Variants in PROSER1 observed in about 807,000 individuals in gnomAD.
The protein encoded by PROSER1 is proline and serine rich 1.
Under a neutral mutation model 71.8 loss-of-function variants are expected in PROSER1, and 36 were observed. The observed-to-expected ratio is 0.50, with a 90% CI of 0.38 to 0.66. The LOEUF is 0.66. Among genes scored for constraint, PROSER1 ranks in the 30% least tolerant of loss-of-function variants. PROSER1 has a pLI of 0.00. For synonymous variants in PROSER1, 490 were observed against 452.4 expected, an observed-to-expected ratio of 1.08 and a Z score of -1.06; for missense variants, 1,107 against 1,135.0, an observed-to-expected ratio of 0.98 and a Z score of 0.35.
intron 12 of PROSER1, among the ~76,000 whole-genome samples, chr13:39,011,858 A>G (rs1431300423): frequency 6.6e-6 from 1 of 152,256 alleles, no homozygotes; most frequent in East Asian, 1.9e-4. Context: ...AAGGAAAAAC[A>G]ATTCATACAG....
intron 2 of PROSER1, 102 bp downstream of exon 2, chr13:39,034,029 A>T: frequency 1.3e-6 from 1 of 768,108 alleles, no homozygotes; most frequent in Non-Finnish European, 2.0e-6. Context: ...GAATAAATAC[A>T]GCAAAAAGGT....
rs750542669 is a variant in PROSER1 at position 39,029,311 on chromosome 13, T to C, written c.245A>G (p.Asp82Gly). Residue 82 changes from aspartate to glycine, a missense_variant, in exon 4 of 13, where the codon GAC (aspartate) becomes GGC (glycine). By Grantham distance (94) the Asp-to-Gly change is moderately conservative (BLOSUM62 -1). Transcript: ENST00000352251. ...TAACAGTTCAAGAGCAACTAGTTTG[T>C]CTTTACTGAAAGTGAAACAGTTGAG... ...NILNCFTFSK[D>G]KLVALELLAS... 4 of 1,547,254 alleles carry C rather than the reference T, an allele frequency of 2.6e-6. No homozygotes were observed. Among genetic ancestry groups the C allele is most frequent in the Non-Finnish European group, 3.5e-6 (4 of 1,153,724 alleles).
chr13:39,011,301 T>C lies in PROSER1; in HGVS notation c.*64A>G, dbSNP rs1381190671. 6.5e-7 allele frequency: 1 copy of C among 1,532,080 alleles called. No homozygotes were observed. The highest frequency in any genetic ancestry group is 8.9e-7 in the Non-Finnish European group (1 of 1,117,470). The allele number at this position is 1,532,080 out of a possible 1,614,324, so 94.9% of individuals were successfully genotyped here. On this transcript the variant is annotated 3_prime_UTR_variant, in exon 13 of 13. Coordinates refer to ENST00000352251, the MANE Select transcript of PROSER1 (RefSeq NM_025138.5). Reference sequence around the variant, plus strand: ...TTTGGCCAGCTTCACATTTGTCAGATTGTTCATTGCAGTTCTCAGGCAATT... The same window carrying C: ...TTTGGCCAGCTTCACATTTGTCAGACTGTTCATTGCAGTTCTCAGGCAATT...
intron 9 of PROSER1, among the ~76,000 whole-genome samples, chr13:39,018,839 T>G (rs185665706): frequency 1.1e-3 from 167 of 152,232 alleles, no homozygotes; most frequent in African/African-American, 3.7e-3. Flanking sequence ...ACTTGAGTTT[T>G]CACATCAAAA....
At chr13:39,026,072 CTCTCT>C (rs756029166) in intron 6 of PROSER1, among the ~76,000 whole-genome samples, 200 bp downstream of exon 6, 10 of 151,896 alleles carry the variant, frequency 6.6e-5, no homozygotes, top group Admixed American at 1.3e-4. Flanking sequence ...TAAAATCATC[CTCTCT>C]TCTATTTGTC....
intron 5 of PROSER1, among the ~76,000 whole-genome samples, chr13:39,027,385 G>A (rs1303024114): frequency 6.6e-6 from 1 of 152,122 alleles, no homozygotes; most frequent in Non-Finnish European, 1.5e-5. Flanking sequence ...TTCTAGAAAA[G>A]TTGTACTAAT....
intron 9 of PROSER1, among the ~76,000 whole-genome samples, chr13:39,021,990 T>A (rs1372505692): frequency 6.6e-6 from 1 of 152,200 alleles, no homozygotes; most frequent in Non-Finnish European, 1.5e-5. Context: ...TCTTTCCTCA[T>A]CTGTATTTTT....
chr13:39,035,465 G>A (rs1248738776), intron 1 of PROSER1, among the ~76,000 whole-genome samples: 4 of 152,174 alleles, frequency 2.6e-5, no homozygotes, highest in Non-Finnish European at 5.9e-5. Flanking sequence ...CCAGCTATAA[G>A]CAAGAAGTAC....
At chr13:39,023,218 T>G (rs1870384414) in intron 7 of PROSER1, 88 bp from the exon 8 acceptor site, 1 of 982,882 alleles carries the variant, frequency 1.0e-6, no homozygotes, top group South Asian at 1.3e-5. Flanking sequence ...TTAGTCCTAA[T>G]ATGCTAAAAA....
At chr13:39,019,994 G>A (rs1870211136) in intron 9 of PROSER1, among the ~76,000 whole-genome samples, 1 of 150,574 alleles carries the variant, frequency 6.6e-6, no homozygotes, top group African/African-American at 2.4e-5. Flanking sequence ...ACTGAATAAG[G>A]CCTAGGAAAT....
chr13:39,029,283 G>A lies in PROSER1; in HGVS notation c.273C>T (p.Ala91=), dbSNP rs758476328. Residue 91 remains alanine, a splice_region_variant and synonymous_variant, in exon 4 of 13, where the codon GCC becomes GCT. Coordinates refer to ENST00000352251, the MANE Select transcript of PROSER1 (RefSeq NM_025138.5). ...KDKLVALELL[A]SNIIDAQNSR... ...AAAAAAAAAAAAGAAATACTTACGAGGCTAACAGTTCAAGAGCAACTAGTT... is the reference window on the plus strand; with the variant it reads ...AAAAAAAAAAAAGAAATACTTACGAAGCTAACAGTTCAAGAGCAACTAGTT... The A allele has an allele frequency of 2.1e-6, 3 of 1,446,496 alleles. No homozygotes were observed. The highest frequency in any genetic ancestry group is 2.5e-5 in the East Asian group (1 of 39,688). 89.6% of individuals were successfully genotyped at this position (1,446,496 alleles called of 1,614,324 possible).
intron 12 of PROSER1, 126 bp downstream of exon 12, chr13:39,011,957 C>G (rs1268548431): frequency 1.0e-6 from 1 of 982,444 alleles, no homozygotes; most frequent in South Asian, 1.7e-5. Context: ...CATCAAATCT[C>G]TATGCATTCT....
chr13:39,031,879 C>G (rs1173878510), intron 2 of PROSER1, among the ~76,000 whole-genome samples: 1 of 152,102 alleles, frequency 6.6e-6, no homozygotes, highest in Non-Finnish European at 1.5e-5. Context: ...TGCTCCAGAG[C>G]TATGTGAGGC....
chr13:39,019,865 T>C (rs1283642092), intron 9 of PROSER1, among the ~76,000 whole-genome samples: 1 of 151,756 alleles, frequency 6.6e-6, no homozygotes, highest in East Asian at 1.9e-4. Flanking sequence ...AATTCAGCTA[T>C]ACACAATTTA....
At chr13:39,035,704 T>G (rs1405637309) in intron 1 of PROSER1, among the ~76,000 whole-genome samples, 1 of 152,194 alleles carries the variant, frequency 6.6e-6, no homozygotes, top group East Asian at 1.9e-4. Flanking sequence ...TGACAATCAG[T>G]ATTATCTATC....
At chr13:39,031,292 T>C (rs75114883) in intron 3 of PROSER1, among the ~76,000 whole-genome samples, 13,977 of 152,206 alleles carry the variant, frequency 0.092, 771 homozygotes, top group African/African-American at 0.14. Flanking sequence ...AAAACAGAAG[T>C]GCAAAAAACC....
chr13:39,029,951 T>C (rs1193682614), intron 3 of PROSER1, among the ~76,000 whole-genome samples: 2 of 152,222 alleles, frequency 1.3e-5, no homozygotes, highest in Non-Finnish European at 2.9e-5. Context: ...TACATAATTA[T>C]TTGACTAGAG....
At chr13:39,025,125 C>T (rs1870484474) in intron 6 of PROSER1, among the ~76,000 whole-genome samples, 1 of 151,852 alleles carries the variant, frequency 6.6e-6, no homozygotes, top group South Asian at 2.1e-4. Context: ...ATGTATAATA[C>T]TCAAAGAATA....
At position 39,012,996 on chromosome 13, in the gene PROSER1, A is replaced by T. The variant is rs1869756849; in HGVS notation, c.2256T>A (p.Ser752=). The T allele has an allele frequency of 6.2e-7, 1 of 1,614,072 alleles. No homozygotes were observed. Among genetic ancestry groups the T allele is most frequent in the Admixed American group, 1.7e-5 (1 of 60,012 alleles). ...GTGCTGCTGAGACTGGTGCTGAAGCAGAAAGCCCTGAGAGAACAGCTGCCG... is the reference window on the plus strand; with the variant it reads ...GTGCTGCTGAGACTGGTGCTGAAGCTGAAAGCCCTGAGAGAACAGCTGCCG... ...SSTAAVLSGL[S]ASAPVSAAPF... is the part of the protein sequence containing the mutation. The change falls in exon 11 of 13, where the codon TCT becomes TCA. Residue 752 remains serine, a synonymous_variant. Coordinates refer to ENST00000352251, the MANE Select transcript of PROSER1 (RefSeq NM_025138.5).
Sources: allele counts gnomAD v4.1 joint callset (sites outside exome capture counted in the v4.1 genomes callset), GRCh38; gene constraint gnomAD v4.1.1; transcripts MANE v1.5; gene names NCBI Gene and HGNC (gene_info 2026-07-23, HGNC 2026-07-21).